The following HS3ST3A1 variants were observed in gnomAD, a reference collection of about 807,000 sequenced individuals.
HS3ST3A1 encodes heparan sulfate-glucosamine 3-sulfotransferase 3A1, also known as heparan sulfate glucosamine 3-O-sulfotransferase 3A1.
Under a neutral mutation model 25.7 loss-of-function variants are expected in HS3ST3A1, and 19 were observed. The ratio of observed to expected loss-of-function variants is 0.74; its 90% CI spans 0.52 to 1.08. The LOEUF (loss-of-function observed/expected upper bound fraction) is 1.08. Ranked by LOEUF, HS3ST3A1 falls within the 50% of genes least tolerant of loss-of-function variation. The pLI is 0.00. For missense variants in HS3ST3A1, 459 were observed against 594.3 expected (o/e 0.77, Z 2.37); for synonymous variants, 226 against 278.6 (o/e 0.81, Z 1.88).
At chr17:13,571,011 G>T (rs942563200) in intron 1 of HS3ST3A1, among the ~76,000 whole-genome samples, 1 of 152,110 alleles carries the variant, frequency 6.6e-6, no homozygotes, top group African/African-American at 2.4e-5. Flanking sequence ...TGTTACCAAG[G>T]CTGTCTTCTT....
chr17:13,513,258 T>A (rs1436096239), intron 1 of HS3ST3A1, among the ~76,000 whole-genome samples: 1 of 152,216 alleles, frequency 6.6e-6, no homozygotes, highest in Non-Finnish European at 1.5e-5. Flanking sequence ...GCAGCAGAAA[T>A]GCTGCAGACG....
intron 1 of HS3ST3A1, among the ~76,000 whole-genome samples, chr17:13,574,038 C>A (rs558273628): frequency 6.6e-6 from 1 of 152,110 alleles, no homozygotes; most frequent in South Asian, 2.1e-4. Context: ...TCTGTTACAG[C>A]AGATAAACTA....
chr17:13,560,627 C>T (rs1472030367), intron 1 of HS3ST3A1, among the ~76,000 whole-genome samples: 6 of 152,058 alleles, frequency 3.9e-5, no homozygotes, highest in African/African-American at 1.4e-4. Context: ...GCTGATTATG[C>T]CTATGGTAAA....
intron 1 of HS3ST3A1, among the ~76,000 whole-genome samples, chr17:13,575,928 G>A (rs981786475): frequency 4.6e-5 from 7 of 152,174 alleles, no homozygotes; most frequent in Admixed American, 2.6e-4. Flanking sequence ...AGGTCTTGTC[G>A]CTCAAAGGAT....
At chr17:13,514,306 C>T (rs969995603) in intron 1 of HS3ST3A1, among the ~76,000 whole-genome samples, 1 of 151,596 alleles carries the variant, frequency 6.6e-6, no homozygotes, top group Non-Finnish European at 1.5e-5. Context: ...TTTTGCTTTT[C>T]CTTTATGATG....
intron 1 of HS3ST3A1, among the ~76,000 whole-genome samples, chr17:13,580,886 C>A (rs1908094576): frequency 2.0e-5 from 3 of 151,760 alleles, no homozygotes; most frequent in Admixed American, 2.0e-4. Flanking sequence ...AGCAAAACTC[C>A]ATCTCAAAAA....
chr17:13,541,535 A>T (rs1251094068), intron 1 of HS3ST3A1, among the ~76,000 whole-genome samples: 1 of 152,190 alleles, frequency 6.6e-6, no homozygotes, highest in African/African-American at 2.4e-5. Context: ...TCTAATAAAA[A>T]AAGAGCCCTA....
At chr17:13,550,056 C>T (rs1271564029) in intron 1 of HS3ST3A1, among the ~76,000 whole-genome samples, 1 of 152,176 alleles carries the variant, frequency 6.6e-6, no homozygotes, top group Admixed American at 6.5e-5. Context: ...AGCCTTAAAA[C>T]ACTAGCATGC....
At chr17:13,511,567 T>A (rs1194843966) in intron 1 of HS3ST3A1, among the ~76,000 whole-genome samples, 3 of 151,928 alleles carry the variant, frequency 2.0e-5, no homozygotes, top group Admixed American at 2.0e-4. Flanking sequence ...TAACACATTA[T>A]GGAGGTAATC....
intron 1 of HS3ST3A1, among the ~76,000 whole-genome samples, chr17:13,507,069 CAAAAAAA>C (rs112172600): frequency 2.2e-5 from 2 of 92,094 alleles, no homozygotes; most frequent in Non-Finnish European, 4.9e-5. Context: ...ACTCCGTCTC[CAAAAAAA>C]AAAAAAAAAA....
intron 1 of HS3ST3A1, among the ~76,000 whole-genome samples, chr17:13,569,452 G>T (rs1286399044): frequency 6.6e-6 from 1 of 152,120 alleles, no homozygotes; most frequent in Non-Finnish European, 1.5e-5. Flanking sequence ...GTGAACAGAG[G>T]CTAGGCATCC....
intron 1 of HS3ST3A1, among the ~76,000 whole-genome samples, chr17:13,521,065 C>T (rs1330389616): frequency 1.3e-5 from 2 of 152,210 alleles, no homozygotes; most frequent in African/African-American, 4.8e-5. Context: ...CCCACTGACA[C>T]CCTTTTTTCT....
intron 1 of HS3ST3A1, among the ~76,000 whole-genome samples, chr17:13,594,391 C>A (rs8082418): frequency 6.6e-6 from 1 of 152,118 alleles, no homozygotes; most frequent in Non-Finnish European, 1.5e-5. Flanking sequence ...AAAGCGCTTT[C>A]CTGTGAAGCT....
At chr17:13,497,510 C>T (rs1242184875) in intron 1 of HS3ST3A1, among the ~76,000 whole-genome samples, 1 of 152,160 alleles carries the variant, frequency 6.6e-6, no homozygotes, top group Non-Finnish European at 1.5e-5. Context: ...TTCAACATGT[C>T]CTTGATGATT....
intron 1 of HS3ST3A1, among the ~76,000 whole-genome samples, chr17:13,591,652 T>TTCC (rs200541354): frequency 4.7e-5 from 6 of 127,314 alleles, no homozygotes; most frequent in Non-Finnish European, 8.3e-5. Flanking sequence ...AATTTCCTTT[T>TTCC]TTCTTCTTCT....
intron 1 of HS3ST3A1, among the ~76,000 whole-genome samples, chr17:13,498,199 T>C (rs1905344431): frequency 6.6e-6 from 1 of 152,334 alleles, no homozygotes; most frequent in South Asian, 2.1e-4. Flanking sequence ...CCTGCTCCCA[T>C]CTGCATTATT....
rs764290525 is a variant in HS3ST3A1, at chr17:13,494,712, A to C, written c.*1485T>G. 1.2e-3 allele frequency among the ~76,000 whole-genome samples: 180 copies of C among 152,232 alleles called. 1 individual carries two copies. The highest frequency in any genetic ancestry group is 1.9e-3 in the Non-Finnish European group (128 of 68,014). On this transcript the variant is annotated 3_prime_UTR_variant, in exon 2 of 2. Transcript: ENST00000284110. ...TTCGTGCATATGTGTTCCTCTCTAAACCAATTTAATTCCCATTAATGCTAA... is the reference window on the plus strand; with the variant it reads ...TTCGTGCATATGTGTTCCTCTCTAACCCAATTTAATTCCCATTAATGCTAA...
intron 1 of HS3ST3A1, among the ~76,000 whole-genome samples, chr17:13,553,070 G>A (rs953650974): frequency 6.6e-6 from 1 of 152,070 alleles, no homozygotes; most frequent in Non-Finnish European, 1.5e-5. Context: ...TTTTTCATGG[G>A]GCAGAGTCTA....
intron 1 of HS3ST3A1, among the ~76,000 whole-genome samples, chr17:13,593,482 G>A (rs1438411191): frequency 3.9e-5 from 6 of 152,248 alleles, no homozygotes; most frequent in South Asian, 2.1e-4. Context: ...GGAGGGAGCC[G>A]TGAGCCAATA....
Sources: gnomAD v4.1 joint callset for allele counts (sites outside exome capture counted in the v4.1 genomes callset) on GRCh38, gnomAD v4.1.1 for gene constraint, MANE v1.5 for transcripts, NCBI Gene and HGNC (gene_info 2026-07-23, HGNC 2026-07-21) for gene names.